The following SORD variants were observed in gnomAD, a reference collection of about 807,000 sequenced individuals.
The protein encoded by SORD is sorbitol dehydrogenase.
In SORD, 18 loss-of-function variants were observed where a neutral mutation model predicts 35.6. The observed-to-expected ratio is 0.51, with a 90% CI of 0.35 to 0.75. The LOEUF is 0.75. Ranked by LOEUF, SORD falls within the 30% of genes least tolerant of loss-of-function variation. The pLI, the probability that SORD is intolerant of heterozygous loss-of-function variation, is 0.01. For missense variants in SORD, 250 were observed against 390.2 expected (o/e 0.64, Z 3.03); for synonymous variants, 106 against 152.9 (o/e 0.69, Z 2.26).
In SORD at chr15:45,071,331, G is replaced by T. The variant is rs1301324037; in HGVS notation, c.787-986G>T. 7.9e-5 allele frequency among the ~76,000 whole-genome samples: 12 copies of T among 152,256 alleles called. 1 individual carries two copies. Among genetic ancestry groups the T allele is most frequent in the Non-Finnish European group, 1.3e-4 (9 of 68,012 alleles). ...AATGGGCTGAGAGGGCACGTCCAGG[G>T]TGCCACAGCTCTGAAGCAGCAGCGC... On this transcript the variant is annotated intron_variant, in intron 7 of 8. Coordinates refer to ENST00000267814, the MANE Select transcript of SORD (RefSeq NM_003104.6).
chr15:45,030,898 T>C (rs1416761299), intron 1 of SORD, among the ~76,000 whole-genome samples: 2 of 152,240 alleles, frequency 1.3e-5, no homozygotes, highest in African/African-American at 2.4e-5. Flanking sequence ...ACAGCTGTCA[T>C]GTCAGGTTCC....
At chr15:45,039,521 G>A (rs781387521) in intron 1 of SORD, among the ~76,000 whole-genome samples, 14 of 152,318 alleles carry the variant, frequency 9.2e-5, no homozygotes, top group East Asian at 3.9e-4. Context: ...TTCCTAGCCC[G>A]TTGACAATGA....
At chr15:45,052,081 C>T (rs189242398) in intron 3 of SORD, among the ~76,000 whole-genome samples, 35 of 152,294 alleles carry the variant, frequency 2.3e-4, no homozygotes, top group African/African-American at 7.2e-4. Flanking sequence ...TTTACCAAAA[C>T]ACATTTTACT....
chr15:45,044,935 T>C (rs1893023861), intron 3 of SORD, among the ~76,000 whole-genome samples: 1 of 152,086 alleles, frequency 6.6e-6, no homozygotes, highest in African/African-American at 2.4e-5. Context: ...TGACCTCAAG[T>C]GATCTGCCCA....
intron 3 of SORD, among the ~76,000 whole-genome samples, chr15:45,051,403 C>G (rs1463075575): frequency 6.6e-6 from 1 of 152,110 alleles, no homozygotes; most frequent in Non-Finnish European, 1.5e-5. Flanking sequence ...TTTGGATGCT[C>G]CAGGGGCCCG....
rs1404553528 is a variant in SORD at position 45,072,823 on chromosome 15, C to T, written c.908+385C>T. On this transcript the variant is annotated intron_variant, in intron 8 of 8. Transcript: ENST00000267814. ...AAATCAAGTCCTGTGGCTTCCGTTC[C>T]TTAGCCCTAGGGCCCACCCTGGGGA... Among the ~76,000 whole-genome samples, 2 of 142,502 alleles carry T rather than the reference C, an allele frequency of 1.4e-5. 1 individual carries two copies. The highest frequency in any genetic ancestry group is 3.0e-5 in the Non-Finnish European group (2 of 67,354). The allele number at this position is 142,502 out of a possible 152,430, so 93.5% of individuals were successfully genotyped here. A position where few individuals can be genotyped will look rare whatever the true frequency, so the allele number is the denominator to read the frequency against.
chr15:45,054,405 G>A (rs1463295270), intron 3 of SORD, among the ~76,000 whole-genome samples: 1 of 152,166 alleles, frequency 6.6e-6, no homozygotes, highest in Non-Finnish European at 1.5e-5. Context: ...GTGATGATGA[G>A]CATCTTTTCA....
intron 1 of SORD, among the ~76,000 whole-genome samples, chr15:45,036,592 G>C (rs951140531): frequency 2.0e-5 from 3 of 152,152 alleles, no homozygotes; most frequent in Admixed American, 6.5e-5. Flanking sequence ...TACTTGGGAG[G>C]CTGAGGTGGG....
chr15:45,035,155 A>C (rs1892842536), intron 1 of SORD, among the ~76,000 whole-genome samples: 2 of 152,136 alleles, frequency 1.3e-5, no homozygotes, highest in South Asian at 4.2e-4. Flanking sequence ...AGCCTCCCCG[A>C]CGAGTGCCGC....
chr15:45,035,102 T>C (rs555471306), intron 1 of SORD, among the ~76,000 whole-genome samples: 1 of 152,154 alleles, frequency 6.6e-6, no homozygotes, highest in Non-Finnish European at 1.5e-5. Context: ...CAGCCCGCCA[T>C]GCCTGACCCT....
intron 3 of SORD, among the ~76,000 whole-genome samples, chr15:45,050,819 T>A (rs567295905): frequency 3.3e-5 from 5 of 152,364 alleles, no homozygotes; most frequent in African/African-American, 1.2e-4. Flanking sequence ...TATACATTAC[T>A]GAATTGTTAA....
At chr15:45,059,764 G>C (rs956478056) in intron 3 of SORD, among the ~76,000 whole-genome samples, 1 of 152,306 alleles carries the variant, frequency 6.6e-6, no homozygotes, top group Non-Finnish European at 1.5e-5. Context: ...CTGGGATTAT[G>C]AGATTATAGG....
In SORD at chr15:45,061,988, C is replaced by G. The variant is rs191317931; in HGVS notation, c.425+762C>G. 1.7e-3 allele frequency among the ~76,000 whole-genome samples: 262 copies of G among 152,206 alleles called. 4 individuals carry two copies. The highest frequency in any genetic ancestry group is 0.017 in the Admixed American group (259 of 15,304). ...CTTGAGCTCTGGGATCCTGGATCTA[C>G]TCCCTCCTGGCAAGTGATTTTGGAG... is the stretch of plus-strand genomic sequence containing the variant. On this transcript the variant is annotated intron_variant, in intron 4 of 8. Coordinates refer to ENST00000267814, the MANE Select transcript of SORD (RefSeq NM_003104.6).
chr15:45,065,085 C>T (rs1352817739), intron 4 of SORD, among the ~76,000 whole-genome samples, 186 bp from the exon 5 acceptor site: 1 of 152,194 alleles, frequency 6.6e-6, no homozygotes, highest in Non-Finnish European at 1.5e-5. Context: ...GTACCTACCA[C>T]AGAACTATTC....
intron 7 of SORD, among the ~76,000 whole-genome samples, chr15:45,069,537 G>C (rs1258265717): frequency 6.6e-6 from 1 of 152,032 alleles, no homozygotes; most frequent in Non-Finnish European, 1.5e-5. Context: ...ACTTGAACTT[G>C]CCTTACATCC....
In SORD at chr15:45,065,274, T is replaced by C; in HGVS notation, c.429T>C (p.Leu143=). The part of the protein sequence containing the change: ...YKHNAAFCYK[L]PDNVTFEEGA... The stretch of plus-strand genomic sequence containing the variant: ...TGTGTGTCAATTGACTCCTCAGGCT[T>C]CCTGACAATGTCACCTTTGAGGAAG... The change falls in exon 5 of 9, where the codon CTT becomes CTC. Residue 143 remains leucine (L), a synonymous_variant. Transcript: ENST00000267814. The C allele has an allele frequency of 6.2e-7, 1 of 1,613,014 alleles. No homozygotes were observed. Among genetic ancestry groups the C allele is most frequent in the South Asian group, 1.1e-5 (1 of 90,960 alleles).
At chr15:45,035,609 C>T (rs1892851854) in intron 1 of SORD, among the ~76,000 whole-genome samples, 1 of 152,164 alleles carries the variant, frequency 6.6e-6, no homozygotes, top group Non-Finnish European at 1.5e-5. Context: ...CTGCCTGAGC[C>T]AGCAGTGGCA....
chr15:45,047,845 C>T (rs1429268644), intron 3 of SORD, among the ~76,000 whole-genome samples: 2 of 152,222 alleles, frequency 1.3e-5, no homozygotes, highest in Non-Finnish European at 2.9e-5. Context: ...TGTCTGGGCT[C>T]AGGCAGGGGG....
At position 45,061,167 on chromosome 15, in the gene SORD, G is replaced by T; in HGVS notation, c.366G>T (p.Thr122=). The change falls in exon 4 of 9, where the codon ACG becomes ACT. Residue 122 remains threonine, a synonymous_variant. Transcript: ENST00000267814. ...CACCTTCCATCTTCTTCTGTGCCAC[G>T]CCCCCCGATGACGGGAACCTCTGCC... ...NLSPSIFFCA[T]PPDDGNLCRF... is the part of the protein sequence containing the mutation. 6.2e-7 allele frequency: 1 copy of T among 1,613,046 alleles called. No individual in the cohort carries two copies. The highest frequency in any genetic ancestry group is 8.5e-7 in the Non-Finnish European group (1 of 1,179,650).
Sources: allele counts gnomAD v4.1 joint callset (sites outside exome capture counted in the v4.1 genomes callset), GRCh38; gene constraint gnomAD v4.1.1; transcripts MANE v1.5; gene names NCBI Gene and HGNC (gene_info 2026-07-23, HGNC 2026-07-21).